UGGT2: variants seen among roughly 807,000 people sequenced by gnomAD.
UGGT2 encodes the protein UDP-glucose:glycoprotein glucosyltransferase 2.
In UGGT2, 180 loss-of-function variants were observed where a neutral mutation model predicts 192.1. That is an observed-to-expected ratio of 0.94 (90% CI 0.83 to 1.06). UGGT2 has a LOEUF of 1.06. Among genes scored for constraint, UGGT2 ranks in the 50% least tolerant of loss-of-function variants. UGGT2 has a pLI of 0.00. For missense variants in UGGT2, 1,849 were observed against 1,795.7 expected, an observed-to-expected ratio of 1.03 and a Z score of -0.54; for synonymous variants, 580 against 591.0, an observed-to-expected ratio of 0.98 and a Z score of 0.27.
At chr13:95,808,522 A>G (rs1240488455) in intron 38 of UGGT2, among the ~76,000 whole-genome samples, 20 of 148,286 alleles carry the variant, frequency 1.3e-4, no homozygotes, top group Admixed American at 1.3e-3. Flanking sequence ...TTGAGATTTT[A>G]TTGGTTGGGT....
intron 2 of UGGT2, among the ~76,000 whole-genome samples, chr13:96,031,312 A>AT (rs201610467): frequency 4.0e-5 from 6 of 151,808 alleles, no homozygotes; most frequent in Admixed American, 6.6e-5. Context: ...AACTATCTTA[A>AT]TTTTTTTGGG....
rs1216598609 is a variant in UGGT2, at chr13:95,903,037, CA to C, written c.2318del (p.Leu773TrpfsTer11). 1 of 1,611,832 alleles carries C rather than the reference CA, an allele frequency of 6.2e-7. No homozygotes were observed. The highest frequency in any genetic ancestry group is 8.5e-7 in the Non-Finnish European group (1 of 1,179,382). Reference protein sequence around the residue: ...KHMKTSVHSRLGIIYNPTSKI... With the variant: ...KHMKTSVHSRXGIIYNPTSKI... ...TTGATGTAGGATTATAAATAATCCC[CA>C]ACCGACTATGAACACTTGTTTTCTG... On this transcript the variant is annotated frameshift_variant, in exon 21 of 39. Transcript: ENST00000376747. LOFTEE classifies it high-confidence loss of function.
rs754807797 is a variant in UGGT2, at chr13:95,863,674, G to A, written c.3599C>T (p.Thr1200Ile). 3.1e-6 allele frequency: 5 copies of A among 1,612,346 alleles called. No individual in the cohort carries two copies. Among genetic ancestry groups the A allele is most frequent in the East Asian group, 2.2e-5 (1 of 44,734 alleles). The change falls in exon 31 of 39, where the codon ACC becomes ATC. Residue 1200 changes from threonine (T) to isoleucine (I), a missense_variant. Transcript: ENST00000376747. The stretch of plus-strand genomic sequence containing the variant: ...TCCTTTTGTTTTTTCATCTTCATCG[G>A]TAAGGATATCTTCCTTAATTTTGTC... ...ETDKIKEDIL[T>I]DEDEKTKGLW...
intron 38 of UGGT2, among the ~76,000 whole-genome samples, chr13:95,808,118 T>G (rs1215194034): frequency 2.0e-5 from 3 of 152,018 alleles, no homozygotes; most frequent in Non-Finnish European, 4.4e-5. Flanking sequence ...CAAAAGAACT[T>G]TAAAAGGCAG....
chr13:95,885,714 A>T (rs2047626307), intron 26 of UGGT2, among the ~76,000 whole-genome samples: 1 of 152,202 alleles, frequency 6.6e-6, no homozygotes, highest in Non-Finnish European at 1.5e-5. Context: ...AACAGGAGAG[A>T]ATACAGTCAT....
At chr13:95,888,695 A>C (rs1198305070) in intron 25 of UGGT2, among the ~76,000 whole-genome samples, 1 of 152,202 alleles carries the variant, frequency 6.6e-6, no homozygotes, top group Non-Finnish European at 1.5e-5. Flanking sequence ...CAAGTGTTAG[A>C]TGAGAAACTA....
intron 5 of UGGT2, among the ~76,000 whole-genome samples, chr13:96,006,910 T>C (rs1230696824): frequency 6.6e-6 from 1 of 152,098 alleles, no homozygotes; most frequent in East Asian, 1.9e-4. Context: ...GCTCTGTAAC[T>C]TGAAGAGGAG....
chr13:95,948,090 AAGAT>A lies in UGGT2; in HGVS notation c.1456-13_1456-10del, dbSNP rs773749773. 2 of 1,603,870 alleles carry A rather than the reference AAGAT, an allele frequency of 1.2e-6. No individual in the cohort carries two copies. Among genetic ancestry groups the A allele is most frequent in the Non-Finnish European group, 1.7e-6 (2 of 1,172,106 alleles). On this transcript the variant is annotated splice_polypyrimidine_tract_variant and intron_variant, in intron 13 of 38. Transcript: ENST00000376747. ...GGATCAATAAACAGAACCTAAAAGAAAGATAGTATATATCACTATTTCAACACCT... is the reference window on the plus strand; with the variant it reads ...GGATCAATAAACAGAACCTAAAAGAAAGTATATATCACTATTTCAACACCT...
intron 38 of UGGT2, among the ~76,000 whole-genome samples, chr13:95,825,350 G>A (rs765819074): frequency 2.8e-4 from 43 of 152,112 alleles, no homozygotes; most frequent in Non-Finnish European, 5.6e-4. Flanking sequence ...AGGTGGCTGA[G>A]GGAGCTCTCA....
At chr13:95,914,774 G>A (rs2048628031) in intron 20 of UGGT2, among the ~76,000 whole-genome samples, 1 of 151,046 alleles carries the variant, frequency 6.6e-6, no homozygotes, top group Non-Finnish European at 1.5e-5. Context: ...CCGCACTCCA[G>A]CCTGGGCGAC....
intron 12 of UGGT2, among the ~76,000 whole-genome samples, chr13:95,953,440 AAAG>A (rs1016592260): frequency 2.0e-5 from 3 of 152,248 alleles, no homozygotes; most frequent in African/African-American, 4.8e-5. Context: ...AAGAGTTACA[AAAG>A]AAGAAGAGCC....
rs1298675476 is a variant in UGGT2 at position 95,915,506 on chromosome 13, T to TA, written c.2295+10173dup. Among the ~76,000 whole-genome samples, 6 of 152,338 alleles carry TA rather than the reference T, an allele frequency of 3.9e-5. No individual in the cohort carries two copies. The East Asian group carries it at 9.6e-4, about 24-fold the overall frequency. ...GGGAAAACATAGTCACTCAAATACT[T>TA]AGACAGTAAATGAATAATAAATAGA... On this transcript the variant is annotated intron_variant, in intron 20 of 38. Transcript: ENST00000376747.
chr13:96,024,593 G>GTT (rs1223401457), intron 2 of UGGT2, among the ~76,000 whole-genome samples: 1 of 152,226 alleles, frequency 6.6e-6, no homozygotes, highest in Non-Finnish European at 1.5e-5. Context: ...GCCAGAGATG[G>GTT]TAAGGTAATA....
intron 38 of UGGT2, chr13:95,832,692 ACTAT>A (rs751923455): frequency 3.3e-6 from 2 of 599,014 alleles, no homozygotes; most frequent in South Asian, 1.4e-5. Flanking sequence ...CTAATGTTAC[ACTAT>A]CTATCCATAT....
rs769741473 is a variant in UGGT2, at chr13:95,894,605, G to C, written c.2812C>G (p.Arg938Gly). The C allele has an allele frequency of 6.2e-7, 1 of 1,611,294 alleles. No individual in the cohort carries two copies. The highest frequency in any genetic ancestry group is 1.1e-5 in the South Asian group (1 of 90,694). Reference protein sequence around the residue: ...VDALMSSVPKRASRYDVTFLR... With the variant: ...VDALMSSVPKGASRYDVTFLR... ...AATGTGACATCATATCGAGATGCAC[G>C]CTTAGGCACAGAGGACATAAGGGCA... Residue 938 changes from arginine (R) to glycine (G), a missense_variant, in exon 24 of 39, where the codon CGT becomes GGT. By Grantham distance (125) the Arg-to-Gly change is moderately radical. Coordinates refer to ENST00000376747, the MANE Select transcript of UGGT2 (RefSeq NM_020121.4).
intron 20 of UGGT2, among the ~76,000 whole-genome samples, chr13:95,919,084 G>A (rs1338619406): frequency 1.3e-5 from 2 of 152,118 alleles, no homozygotes; most frequent in Admixed American, 6.5e-5. Context: ...ATCAATAAAT[G>A]TGATTCATCA....
chr13:95,947,586 G>A (rs2049918680), intron 14 of UGGT2, among the ~76,000 whole-genome samples: 1 of 151,984 alleles, frequency 6.6e-6, no homozygotes, highest in Non-Finnish European at 1.5e-5. Context: ...AGGTAGCTGG[G>A]ACTATAGGTG....
intron 30 of UGGT2, among the ~76,000 whole-genome samples, chr13:95,865,875 A>G (rs1270986566): frequency 1.3e-5 from 2 of 152,190 alleles, no homozygotes; most frequent in Non-Finnish European, 2.9e-5. Flanking sequence ...TCTTATCTTC[A>G]TAACAGTCCT....
intron 25 of UGGT2, among the ~76,000 whole-genome samples, chr13:95,888,836 C>A (rs1211397940): frequency 6.7e-6 from 1 of 150,160 alleles, no homozygotes; most frequent in Non-Finnish European, 1.5e-5. Flanking sequence ...TTTTAAGAGA[C>A]ATAGTCCTGC....
Sources: allele counts gnomAD v4.1 joint callset (sites outside exome capture counted in the v4.1 genomes callset), GRCh38; gene constraint gnomAD v4.1.1; transcripts MANE v1.5; gene names NCBI Gene and HGNC (gene_info 2026-07-23, HGNC 2026-07-21).